The following SLC1A2 variants were observed in gnomAD, a reference collection of about 807,000 sequenced individuals.
SLC1A2 encodes solute carrier family 1 member 2.
A neutral mutation model predicts 48.8 loss-of-function variants in SLC1A2; 15 were observed. The observed-to-expected ratio is 0.31, with a 90% CI of 0.21 to 0.47. The LOEUF (loss-of-function observed/expected upper bound fraction) is 0.47, where lower values mean the gene tolerates loss of function less well. Among genes scored for constraint, SLC1A2 ranks in the 20% least tolerant of loss-of-function variants. The pLI is 0.99. For missense variants in SLC1A2, 502 were observed against 730.5 expected (o/e 0.69, Z 3.61); for synonymous variants, 279 against 272.6 (o/e 1.02, Z -0.23).
chr11:35,292,429 T>G lies in SLC1A2; in HGVS notation c.949A>C (p.Met317Leu). Reference protein sequence around the residue: ...EVVARQLGMYMVTVIIGLIIH... With the variant: ...EVVARQLGMYLVTVIIGLIIH... ...ATGAGGCCTATGATCACTGTTACCA[T>G]GTACATCCCCAGTTGCCTAGCAACC... The change falls in exon 7 of 11, where the codon ATG becomes CTG. Residue 317 changes from methionine (M) to leucine (L), a missense_variant. Physicochemically the swap from Met to Leu is conservative, Grantham distance 15. Around this residue, in one of 4 missense-constraint regions of SLC1A2, gnomAD observed 309 missense variants for 480.3 expected, o/e 0.64. Coordinates refer to ENST00000278379, the MANE Select transcript of SLC1A2 (RefSeq NM_004171.4). 1 of 1,613,914 alleles carries G rather than the reference T, an allele frequency of 6.2e-7. No homozygotes were observed. The highest frequency in any genetic ancestry group is 2.2e-5 in the East Asian group (1 of 44,880).
In SLC1A2 at chr11:35,291,224, T is replaced by C. The variant is rs541832180; in HGVS notation, c.1091+1063A>G. On this transcript the variant is annotated intron_variant, in intron 7 of 10. Transcript: ENST00000278379. ...TGATTGCAAGCTGAAAGTAAAACACTAGTCTTAAAAATTCTCAATTGTAAG... is the reference window on the plus strand; with the variant it reads ...TGATTGCAAGCTGAAAGTAAAACACCAGTCTTAAAAATTCTCAATTGTAAG... Among the ~76,000 whole-genome samples the C allele has an allele frequency of 2.9e-4, 44 of 152,288 alleles. No individual in the cohort carries two copies. The East Asian group carries it at 8.1e-3, about 28-fold the overall frequency.
In SLC1A2 at chr11:35,281,877, A is replaced by T. The variant is rs536308693; in HGVS notation, c.1287-876T>A. 2.0e-5 allele frequency: 3 copies of T among 152,258 alleles called. No homozygotes were observed. The South Asian group carries it at 6.2e-4, about 32-fold the overall frequency. The allele number at this position is 152,258 out of a possible 1,614,324, so 9.4% of individuals were successfully genotyped here. On this transcript the variant is annotated intron_variant, in intron 8 of 10. Coordinates refer to ENST00000278379, the MANE Select transcript of SLC1A2 (RefSeq NM_004171.4). The stretch of plus-strand genomic sequence containing the variant: ...ATCAAAATATCCAAGAGTACTTTGG[A>T]AATATGGATTCCCAAGTTGTTTTTG...
In SLC1A2 at chr11:35,254,705, G is replaced by C; in HGVS notation, c.*6189C>G. ...CCCAAGGATTGGGGGTGTCTCCAGAGAAACTGAGGACCTGTTGCTACCCAT... is the reference window on the plus strand; with the variant it reads ...CCCAAGGATTGGGGGTGTCTCCAGACAAACTGAGGACCTGTTGCTACCCAT... On this transcript the variant is annotated 3_prime_UTR_variant, in exon 11 of 11. Transcript: ENST00000278379. 1 of 446,228 alleles carries C rather than the reference G, an allele frequency of 2.2e-6. No homozygotes were observed. Among genetic ancestry groups the C allele is most frequent in the South Asian group, 1.6e-5 (1 of 62,526 alleles). The allele number at this position is 446,228 out of a possible 1,614,324, so 27.6% of individuals were successfully genotyped here.
chr11:35,385,185 G>T (rs1854548939), intron 1 of SLC1A2, among the ~76,000 whole-genome samples: 1 of 152,118 alleles, frequency 6.6e-6, no homozygotes, highest in Non-Finnish European at 1.5e-5. Context: ...ATTGAGAAAG[G>T]CCAGAAAATG....
At chr11:35,365,764 C>T (rs1177474832) in intron 1 of SLC1A2, among the ~76,000 whole-genome samples, 1 of 152,218 alleles carries the variant, frequency 6.6e-6, no homozygotes, top group Admixed American at 6.5e-5. Context: ...TCCCATCAGG[C>T]TGTGCACACC....
At chr11:35,410,531 G>GTGGT (rs1261384053) in intron 1 of SLC1A2, among the ~76,000 whole-genome samples, 3 of 152,160 alleles carry the variant, frequency 2.0e-5, no homozygotes, top group African/African-American at 4.8e-5. Flanking sequence ...TTTGGAAACA[G>GTGGT]TGGTGGATGC....
chr11:35,312,410 C>T lies in SLC1A2; in HGVS notation c.349G>A (p.Gly117Ser). Residue 117 changes from glycine (G) to serine (S), a missense_variant, in exon 4 of 11, where the codon GGC becomes AGC. Gly to Ser is a moderately conservative substitution (Grantham distance 56). Around this residue, in one of 4 missense-constraint regions of SLC1A2, gnomAD observed 309 missense variants for 480.3 expected, o/e 0.64. Coordinates refer to ENST00000278379, the MANE Select transcript of SLC1A2 (RefSeq NM_004171.4). ...ATGTAATACACCATGGCTCTCGTGC[C>T]CAAGCGGCCACTAGCCTTAGCATCC... is the stretch of plus-strand genomic sequence containing the variant. ...GLDAKASGRL[G>S]TRAMVYYMST... The T allele has an allele frequency of 6.2e-7, 1 of 1,614,142 alleles. No homozygotes were observed. Among genetic ancestry groups the T allele is most frequent in the Non-Finnish European group, 8.5e-7 (1 of 1,179,994 alleles).
intron 4 of SLC1A2, among the ~76,000 whole-genome samples, chr11:35,309,358 C>T (rs921242281): frequency 1.1e-4 from 16 of 152,154 alleles, no homozygotes; most frequent in East Asian, 1.9e-4. Flanking sequence ...AAGTATTGGC[C>T]GAGTGAACAT....
At chr11:35,309,887 G>T (rs916758546) in intron 4 of SLC1A2, among the ~76,000 whole-genome samples, 19 of 152,148 alleles carry the variant, frequency 1.2e-4, no homozygotes, top group African/African-American at 4.3e-4. Flanking sequence ...AAGGGACCTT[G>T]ATACTGAGCC....
At chr11:35,334,905 A>G (rs1311906977) in intron 1 of SLC1A2, among the ~76,000 whole-genome samples, 1 of 152,072 alleles carries the variant, frequency 6.6e-6, no homozygotes, top group Non-Finnish European at 1.5e-5. Context: ...ATTTTGTACA[A>G]TATGAGAAGT....
intron 1 of SLC1A2, among the ~76,000 whole-genome samples, chr11:35,404,921 C>T (rs1017836643): frequency 6.6e-6 from 1 of 152,184 alleles, no homozygotes; most frequent in Non-Finnish European, 1.5e-5. Flanking sequence ...TCAAAAACAG[C>T]AGTTTGAGTG....
intron 7 of SLC1A2, 142 bp downstream of exon 7, chr11:35,292,145 C>T (rs1851029910): frequency 1.4e-6 from 1 of 692,164 alleles, no homozygotes; most frequent in African/African-American, 1.8e-5. Flanking sequence ...AAATTCAAAT[C>T]ATTCGCCTTT....
chr11:35,357,029 C>T (rs898099484), intron 1 of SLC1A2, among the ~76,000 whole-genome samples: 2 of 151,876 alleles, frequency 1.3e-5, no homozygotes, highest in Non-Finnish European at 2.9e-5. Flanking sequence ...ATCATGAGGT[C>T]AGGAGATCGA....
chr11:35,409,398 C>T (rs1259672480), intron 1 of SLC1A2, among the ~76,000 whole-genome samples: 1 of 152,184 alleles, frequency 6.6e-6, no homozygotes, highest in South Asian at 2.1e-4. Context: ...AATAGCTATA[C>T]TCTTGTTCCC....
chr11:35,374,427 A>G (rs1854155738), intron 1 of SLC1A2: 4 of 466,348 alleles, frequency 8.6e-6, no homozygotes, highest in Non-Finnish European at 1.6e-5. Context: ...AAGAAAAGAG[A>G]CCTACAATTT....
intron 5 of SLC1A2, among the ~76,000 whole-genome samples, chr11:35,304,368 G>A (rs1222879988): frequency 6.6e-6 from 1 of 152,144 alleles, no homozygotes; most frequent in Non-Finnish European, 1.5e-5. Context: ...GGTGTTTTAA[G>A]TTATGACCCA....
intron 4 of SLC1A2, among the ~76,000 whole-genome samples, chr11:35,309,570 G>A (rs982273273): frequency 2.6e-5 from 4 of 152,188 alleles, no homozygotes; most frequent in Non-Finnish European, 1.5e-5. Context: ...ACCAGGCCCT[G>A]TCGCCTGGGA....
intron 1 of SLC1A2, chr11:35,390,800 G>A (rs1854742527): frequency 6.6e-6 from 1 of 151,918 alleles, no homozygotes; most frequent in African/African-American, 2.4e-5. Flanking sequence ...AAAGTAGCTG[G>A]GAGTACAGGC....
chr11:35,255,367 A>G lies in SLC1A2; in HGVS notation c.*5527T>C, dbSNP rs1950299838. 1 of 152,328 alleles carries G rather than the reference A, an allele frequency of 6.6e-6. No individual in the cohort carries two copies. The highest frequency in any genetic ancestry group is 2.4e-5 in the African/African-American group (1 of 41,442). 9.4% of individuals were successfully genotyped at this position (152,328 alleles called of 1,614,324 possible). On this transcript the variant is annotated 3_prime_UTR_variant, in exon 11 of 11. Coordinates refer to ENST00000278379, the MANE Select transcript of SLC1A2 (RefSeq NM_004171.4). ...AGGGCAATGATAGTCAGAAAATTCC[A>G]TTCTTGTAAGTTAGAGCATCTCTTC...
Sources: allele counts gnomAD v4.1 joint callset (sites outside exome capture counted in the v4.1 genomes callset), GRCh38; gene constraint gnomAD v4.1.1; regional missense constraint gnomAD v4.1.1; transcripts MANE v1.5; gene names NCBI Gene and HGNC (gene_info 2026-07-23, HGNC 2026-07-21).